Variants in TUSC3 observed in about 807,000 individuals in gnomAD.
TUSC3 encodes the protein dolichyl-diphosphooligosaccharide--protein glycosyltransferase subunit TUSC3.
Under a neutral mutation model 44.8 loss-of-function variants are expected in TUSC3, and 45 were observed. The ratio of observed to expected loss-of-function variants is 1.00; its 90% CI spans 0.79 to 1.29. TUSC3 has a LOEUF of 1.29. Among genes scored for constraint, TUSC3 ranks in the 50% most tolerant of loss-of-function variants. The probability of loss-of-function intolerance (pLI) is 0.00; values close to 1 mark genes in which losing one functional copy is unlikely to be tolerated. For synonymous variants in TUSC3, 212 were observed against 152.9 expected (o/e 1.39, Z -2.85); for missense variants, 519 against 437.9 (o/e 1.19, Z -1.65).
chr8:15,774,916 A>T, the TUSC3 span, among the ~76,000 whole-genome samples: 162 of 152,286 alleles, frequency 1.1e-3, 1 homozygote, highest in Non-Finnish European at 2.4e-4. Flanking sequence ...ACAAATTAGT[A>T]GTTCTTTAAT....
intron 2 of TUSC3, among the ~76,000 whole-genome samples, chr8:15,503,266 C>G (rs767371434): frequency 1.3e-4 from 20 of 152,078 alleles, no homozygotes; most frequent in Non-Finnish European, 2.8e-4. Flanking sequence ...ATCTACAAGC[C>G]AAGGAGAGAG....
intron 1 of TUSC3, among the ~76,000 whole-genome samples, chr8:15,434,394 C>G (rs918930037): frequency 6.6e-6 from 1 of 152,056 alleles, no homozygotes; most frequent in Non-Finnish European, 1.5e-5. Flanking sequence ...GCAAATTGTA[C>G]TTCTTCAAAA....
chr8:15,611,951 C>T (rs1457205357), intron 1 of TUSC3, among the ~76,000 whole-genome samples: 1 of 152,116 alleles, frequency 6.6e-6, no homozygotes, highest in Non-Finnish European at 1.5e-5. Context: ...TTTGGTTTAT[C>T]GTTGGGTTTT....
At chr8:15,501,787 T>C (rs113858587) in intron 2 of TUSC3, among the ~76,000 whole-genome samples, 2 of 152,330 alleles carry the variant, frequency 1.3e-5, no homozygotes, top group African/African-American at 4.8e-5. Flanking sequence ...ATTGCCTTAC[T>C]TATTTGTTTT....
Position 15,438,005 on chromosome 8 carries a change from C to G in TUSC3, n.91+20700C>G, listed in dbSNP as rs187443536. 1.4e-4 allele frequency among the ~76,000 whole-genome samples: 21 copies of G among 152,298 alleles called. 1 individual carries two copies. Among genetic ancestry groups the G allele is most frequent in the African/African-American group, 4.8e-4 (20 of 41,568 alleles). ...CATTTGTTATAAGGTCTTTCTACTT[C>G]TTACCAGCAGGTTGTTAAATATTTC... On this transcript the variant is annotated intron_variant and non_coding_transcript_variant, in intron 1 of 5. Coordinates refer to the TUSC3 transcript ENST00000503191.
chr8:15,700,907 G>A (rs1809374643), intron 6 of TUSC3, among the ~76,000 whole-genome samples: 1 of 128,522 alleles, frequency 7.8e-6, no homozygotes, highest in East Asian at 2.5e-4. Context: ...CACTTCTCCA[G>A]TATCATCCAG....
At chr8:15,743,365 A>G (rs1401525571) in intron 7 of TUSC3, 173 bp from the exon 8 acceptor site, 12 of 659,026 alleles carry the variant, frequency 1.8e-5, no homozygotes, top group Non-Finnish European at 2.6e-5. Flanking sequence ...TTTAAAGTTA[A>G]GGCATATTTG....
chr8:15,471,672 C>T (rs1383528307), intron 1 of TUSC3, among the ~76,000 whole-genome samples: 1 of 149,172 alleles, frequency 6.7e-6, no homozygotes, highest in Non-Finnish European at 1.5e-5. Context: ...GGCTGGAGAA[C>T]AATCGTGTGA....
At chr8:15,458,233 T>C (rs12114860) in intron 1 of TUSC3, among the ~76,000 whole-genome samples, 8,785 of 152,126 alleles carry the variant, frequency 0.058, 346 homozygotes, top group South Asian at 0.16. Context: ...TGCTTACATA[T>C]GCTTCTTTCT....
chr8:15,458,225 C>G (rs562245031), intron 1 of TUSC3, among the ~76,000 whole-genome samples: 23 of 152,118 alleles, frequency 1.5e-4, no homozygotes, highest in African/African-American at 4.8e-4. Context: ...TTATAAAGTG[C>G]TTACATATGC....
intron 7 of TUSC3, among the ~76,000 whole-genome samples, chr8:15,737,272 A>G (rs750301569): frequency 3.9e-5 from 6 of 152,136 alleles, no homozygotes; most frequent in African/African-American, 1.2e-4. Flanking sequence ...TTCAACGTCT[A>G]TTTACATTTA....
intron 6 of TUSC3, chr8:15,689,640 GT>G (rs1161157016): frequency 6.5e-6 from 1 of 154,120 alleles, no homozygotes; most frequent in African/African-American, 2.4e-5. Flanking sequence ...TCTGGGAGAT[GT>G]TGTTCCTTTC....
At chr8:15,589,162 A>G (rs913537156) in intron 1 of TUSC3, among the ~76,000 whole-genome samples, 1 of 152,106 alleles carries the variant, frequency 6.6e-6, no homozygotes, top group Non-Finnish European at 1.5e-5. Context: ...TTTACGTGGG[A>G]TATATTTTTG....
At chr8:15,573,562 C>G (rs1359504314) in intron 1 of TUSC3, among the ~76,000 whole-genome samples, 4 of 151,914 alleles carry the variant, frequency 2.6e-5, no homozygotes, top group African/African-American at 9.7e-5. Flanking sequence ...CCCCTCATCC[C>G]TTGAGGGCAA....
In TUSC3 at chr8:15,457,979, A is replaced by T. The variant is rs115938745; in HGVS notation, n.92-25407A>T. ...ATATTGAATATTTTTAAAGTTTCAG[A>T]TAAACACATGCAACATAATGTACTT... is the stretch of plus-strand genomic sequence containing the variant. On this transcript the variant is annotated intron_variant and non_coding_transcript_variant, in intron 1 of 5. Coordinates refer to the TUSC3 transcript ENST00000503191. 8.0e-3 allele frequency among the ~76,000 whole-genome samples: 1,220 copies of T among 151,904 alleles called. 15 individuals are homozygous for T. The highest frequency in any genetic ancestry group is 0.028 in the African/African-American group (1,166 of 41,492).
chr8:15,749,973 A>C (rs1021402685), intron 9 of TUSC3, among the ~76,000 whole-genome samples: 2 of 148,310 alleles, frequency 1.3e-5, no homozygotes, highest in African/African-American at 5.0e-5. Flanking sequence ...ACAGTAAGTG[A>C]TACTGTGAGA....
chr8:15,798,650 G>GTT, the TUSC3 span, among the ~76,000 whole-genome samples: 7 of 87,534 alleles, frequency 8.0e-5, no homozygotes, highest in South Asian at 3.7e-4. Flanking sequence ...CTGGGTGTGT[G>GTT]GGGGGGGTCC....
At chr8:15,562,281 T>C (rs534938585) in intron 1 of TUSC3, among the ~76,000 whole-genome samples, 2 of 152,270 alleles carry the variant, frequency 1.3e-5, no homozygotes, top group Admixed American at 6.5e-5. Flanking sequence ...ATATAAGATA[T>C]CCTGTTCTAA....
chr8:15,582,392 T>C (rs1401708043), intron 1 of TUSC3, among the ~76,000 whole-genome samples: 1 of 152,228 alleles, frequency 6.6e-6, no homozygotes, highest in Non-Finnish European at 1.5e-5. Flanking sequence ...CAATCTTTTA[T>C]GAATTTGTTT....
Sources: allele counts gnomAD v4.1 joint callset (sites outside exome capture counted in the v4.1 genomes callset), GRCh38; gene constraint gnomAD v4.1.1; transcripts MANE v1.5; gene names NCBI Gene and HGNC (gene_info 2026-07-23, HGNC 2026-07-21).